Variants in TDRD7 observed in about 807,000 individuals in gnomAD.
TDRD7 encodes tudor domain-containing protein 7.
TDRD7 carries 47 observed loss-of-function variants against 109.8 expected under a neutral mutation model. The observed-to-expected ratio is 0.43, with a 90% CI of 0.34 to 0.55. The LOEUF (loss-of-function observed/expected upper bound fraction) is 0.55, where lower values mean the gene tolerates loss of function less well. TDRD7 is among the 20% of genes least tolerant of loss of function. The pLI is 0.03. For synonymous variants in TDRD7, 424 were observed against 457.3 expected (o/e 0.93, Z 0.93); for missense variants, 1,164 against 1,319.2 (o/e 0.88, Z 1.82).
intron 15 of TDRD7, among the ~76,000 whole-genome samples, chr9:97,485,532 G>A (rs1382702759): frequency 6.6e-6 from 1 of 152,142 alleles, no homozygotes; most frequent in African/African-American, 2.4e-5. Context: ...CGCTGTTGGT[G>A]GAAACCAAGT....
chr9:97,461,901 A>G (rs796531742), intron 7 of TDRD7, among the ~76,000 whole-genome samples: 4 of 152,374 alleles, frequency 2.6e-5, no homozygotes, highest in African/African-American at 9.6e-5. Flanking sequence ...TCAATGAAAG[A>G]AGAGCTCAAA....
intron 6 of TDRD7, among the ~76,000 whole-genome samples, chr9:97,458,100 A>C (rs1188344794): frequency 6.6e-6 from 1 of 152,226 alleles, no homozygotes; most frequent in Non-Finnish European, 1.5e-5. Context: ...CACATTCTGC[A>C]CATGTATCCC....
At position 97,439,236 on chromosome 9, in the gene TDRD7, A is replaced by G. The variant is rs62557509; in HGVS notation, c.564-9A>G. 4 of 1,560,448 alleles carry G rather than the reference A, an allele frequency of 2.6e-6. No individual in the cohort carries two copies. Among genetic ancestry groups the G allele is most frequent in the East Asian group, 2.3e-5 (1 of 44,146 alleles). ...ATTTATTTTACTTTTTTTTTTTTTA[A>G]TATCTTAGGTTTAGCCCAAAGGCGT... On this transcript the variant is annotated splice_polypyrimidine_tract_variant and intron_variant, in intron 4 of 16. Transcript: ENST00000355295.
chr9:97,415,389 G>A (rs982083052), intron 1 of TDRD7, among the ~76,000 whole-genome samples: 7 of 152,296 alleles, frequency 4.6e-5, no homozygotes, highest in African/African-American at 1.4e-4. Flanking sequence ...GGTAGAAGGC[G>A]TTTATCTGGG....
In TDRD7 at chr9:97,487,389, C is replaced by T. The variant is rs186676022; in HGVS notation, c.3076+57C>T. 40 of 1,611,472 alleles carry T rather than the reference C, an allele frequency of 2.5e-5. No homozygotes were observed. The African/African-American group carries it at 4.0e-4, about 16-fold the overall frequency. ...AACAATGCAATATTGTCATTTTATC[C>T]TGGGTACTTAGCAAGTACTGAATCA... On this transcript the variant is annotated intron_variant, in intron 16 of 16. Coordinates refer to ENST00000355295, the MANE Select transcript of TDRD7 (RefSeq NM_014290.3).
chr9:97,414,917 T>G (rs1827787425), intron 1 of TDRD7, among the ~76,000 whole-genome samples: 1 of 152,168 alleles, frequency 6.6e-6, no homozygotes, highest in Non-Finnish European at 1.5e-5. Flanking sequence ...GTTTATTGAT[T>G]TGTAAGATAA....
rs201010839 is a variant in TDRD7 at position 97,485,407 on chromosome 9, A to C, written c.2916-1765A>C. Among the ~76,000 whole-genome samples the C allele has an allele frequency of 1.3e-4, 20 of 152,354 alleles. No individual in the cohort carries two copies. The East Asian group carries it at 3.3e-3, about 25-fold the overall frequency. ...TATTAGTTTTGAAAGTTGAAAACTA[A>C]ATAGAAATACAACACATCAGTTTTC... On this transcript the variant is annotated intron_variant, in intron 15 of 16. Coordinates refer to ENST00000355295, the MANE Select transcript of TDRD7 (RefSeq NM_014290.3).
chr9:97,444,255 T>A (rs1005469867), intron 6 of TDRD7, among the ~76,000 whole-genome samples: 1 of 152,202 alleles, frequency 6.6e-6, no homozygotes, highest in Non-Finnish European at 1.5e-5. Context: ...ATCTATATAT[T>A]GTGTCTGTTA....
chr9:97,477,530 C>G (rs1170418172), intron 12 of TDRD7, among the ~76,000 whole-genome samples: 1 of 151,822 alleles, frequency 6.6e-6, no homozygotes, highest in Admixed American at 6.6e-5. Flanking sequence ...TAGTGTATGT[C>G]CAAATATTTT....
chr9:97,438,054 T>C, intron 4 of TDRD7, among the ~76,000 whole-genome samples: 1 of 152,178 alleles, frequency 6.6e-6, no homozygotes, highest in East Asian at 1.9e-4. Context: ...CTCTACCTTC[T>C]ACTGGAGCCT....
In TDRD7 at chr9:97,460,183, G is replaced by A; in HGVS notation, c.861G>A (p.Glu287=). 6.2e-7 allele frequency: 1 copy of A among 1,614,134 alleles called. No individual in the cohort carries two copies. The highest frequency in any genetic ancestry group is 1.1e-5 in the South Asian group (1 of 91,086). The change falls in exon 7 of 17, where the codon GAG becomes GAA. Residue 287 remains glutamate, a synonymous_variant. Coordinates refer to ENST00000355295, the MANE Select transcript of TDRD7 (RefSeq NM_014290.3). ...GCTTTATTTAAAAATTTCAGGTGGA[G>A]AAACCTTGCAGTGGTGGCCAAGATT... ...FEHWPHICTV[E]KPCSGGQDLL... is the part of the protein sequence containing the mutation.
At chr9:97,455,518 A>G (rs1043489166) in intron 6 of TDRD7, among the ~76,000 whole-genome samples, 1 of 152,226 alleles carries the variant, frequency 6.6e-6, no homozygotes, top group African/African-American at 2.4e-5. Context: ...GCCTGGTTCA[A>G]CATATGTAAA....
chr9:97,492,113 C>G (rs1829318164), intron 16 of TDRD7, among the ~76,000 whole-genome samples: 1 of 152,198 alleles, frequency 6.6e-6, no homozygotes, highest in Non-Finnish European at 1.5e-5. Context: ...GTTTTGGGGA[C>G]AGTGAATTGC....
At chr9:97,489,016 AT>A (rs1352099089) in intron 16 of TDRD7, among the ~76,000 whole-genome samples, 1 of 152,154 alleles carries the variant, frequency 6.6e-6, no homozygotes, top group Non-Finnish European at 1.5e-5. Context: ...GAGGGAAAAC[AT>A]TGTATTATTT....
At chr9:97,482,334 G>A (rs1012292077) in intron 14 of TDRD7, among the ~76,000 whole-genome samples, 7 of 152,166 alleles carry the variant, frequency 4.6e-5, no homozygotes. Flanking sequence ...ATTTGAAAGA[G>A]GGGTGCTTAC....
At chr9:97,474,824 A>G (rs916564793) in intron 11 of TDRD7, among the ~76,000 whole-genome samples, 4 of 152,192 alleles carry the variant, frequency 2.6e-5, no homozygotes, top group African/African-American at 9.6e-5. Context: ...GAAAGAGACC[A>G]TGGACAGGTA....
chr9:97,423,651 T>A (rs1305817305), intron 1 of TDRD7, among the ~76,000 whole-genome samples: 1 of 152,158 alleles, frequency 6.6e-6, no homozygotes, highest in Admixed American at 6.5e-5. Context: ...AACAGAAACA[T>A]AATGCTATAA....
intron 4 of TDRD7, among the ~76,000 whole-genome samples, chr9:97,435,916 C>T (rs902173766): frequency 6.6e-6 from 1 of 152,038 alleles, no homozygotes; most frequent in Non-Finnish European, 1.5e-5. Context: ...GTCACCAAAC[C>T]TCTTGAAAAG....
chr9:97,479,387 T>C (rs926743747), intron 13 of TDRD7, among the ~76,000 whole-genome samples: 1 of 152,204 alleles, frequency 6.6e-6, no homozygotes, highest in African/African-American at 2.4e-5. Context: ...CTTTAAGTGC[T>C]ACTCTGACTT....
Sources: gnomAD v4.1 joint callset for allele counts (sites outside exome capture counted in the v4.1 genomes callset) on GRCh38, gnomAD v4.1.1 for gene constraint, MANE v1.5 for transcripts, NCBI Gene and HGNC (gene_info 2026-07-23, HGNC 2026-07-21) for gene names.